RNF6: variants seen among roughly 807,000 people sequenced by gnomAD.
RNF6 encodes the protein E3 ubiquitin-protein ligase RNF6.
RNF6 carries 21 observed loss-of-function variants against 50.1 expected under a neutral mutation model. The ratio of observed to expected loss-of-function variants is 0.42; its 90% CI spans 0.30 to 0.60. The LOEUF (loss-of-function observed/expected upper bound fraction) is 0.60. Among genes scored for constraint, RNF6 ranks in the 20% least tolerant of loss-of-function variants. The probability of loss-of-function intolerance (pLI) is 0.20; values close to 1 mark genes in which losing one functional copy is unlikely to be tolerated. For synonymous variants in RNF6, 255 were observed against 291.8 expected, an observed-to-expected ratio of 0.87 and a Z score of 1.29; for missense variants, 698 against 838.2, an observed-to-expected ratio of 0.83 and a Z score of 2.07.
At chr13:26,204,512 A>AG (rs1412589573) in intron 5 of RNF6, among the ~76,000 whole-genome samples, 10 of 148,816 alleles carry the variant, frequency 6.7e-5, no homozygotes, top group South Asian at 2.1e-4. Context: ...AAAAAAAAAA[A>AG]AAAGAAAGAA....
At chr13:26,192,967 A>G (rs969881624) in intron 5 of RNF6, among the ~76,000 whole-genome samples, 1 of 152,240 alleles carries the variant, frequency 6.6e-6, no homozygotes, top group Non-Finnish European at 1.5e-5. Context: ...TTACACAGCA[A>G]TAGATAACTA....
In RNF6 at chr13:26,152,143, T is replaced by A. The variant is rs1871642462; in HGVS notation, n.769-19692A>T. On this transcript the variant is annotated intron_variant and non_coding_transcript_variant, in intron 5 of 5. Coordinates refer to the RNF6 transcript ENST00000468480. ...TTTACTGTTTCTGGAACACTTCATATACTAGAGAAAAATTTAATATTTTAT... is the reference window on the plus strand; with the variant it reads ...TTTACTGTTTCTGGAACACTTCATAAACTAGAGAAAAATTTAATATTTTAT... Among the ~76,000 whole-genome samples, 3 of 152,358 alleles carry A rather than the reference T, an allele frequency of 2.0e-5. 1 individual carries two copies. The South Asian group carries it at 6.2e-4, about 32-fold the overall frequency.
At chr13:26,201,706 A>G (rs1287459643) in intron 5 of RNF6, among the ~76,000 whole-genome samples, 1 of 152,234 alleles carries the variant, frequency 6.6e-6, no homozygotes, top group Non-Finnish European at 1.5e-5. Context: ...ACAACTGCAT[A>G]TGGGACTCTG....
intron 5 of RNF6, among the ~76,000 whole-genome samples, chr13:26,156,189 A>G (rs1200433917): frequency 6.6e-6 from 1 of 152,222 alleles, no homozygotes; most frequent in Non-Finnish European, 1.5e-5. Context: ...TTAGAAAGAG[A>G]AAGAAATAAA....
At chr13:26,172,652 T>C (rs1211877497) in intron 5 of RNF6, among the ~76,000 whole-genome samples, 4 of 152,008 alleles carry the variant, frequency 2.6e-5, no homozygotes, top group African/African-American at 9.7e-5. Context: ...CACGCCATTG[T>C]CCTGCCTCAG....
At chr13:26,199,116 A>G (rs1161404795) in intron 5 of RNF6, among the ~76,000 whole-genome samples, 1 of 152,022 alleles carries the variant, frequency 6.6e-6, no homozygotes, top group Non-Finnish European at 1.5e-5. Flanking sequence ...ATAGACATTA[A>G]CAAGCTGAGT....
chr13:26,150,859 AG>A (rs1871554062), intron 5 of RNF6: 1 of 152,208 alleles, frequency 6.6e-6, no homozygotes, highest in Non-Finnish European at 1.5e-5. Context: ...AAATCATCAA[AG>A]GTAAGAGAGT....
rs1294678525 is a variant in RNF6 at position 26,215,061 on chromosome 13, C to T, written c.821G>A (p.Arg274Gln). ...TTCCCAAACATGTGCTGCTCCAAAC[C>T]GTTGCCCCTCCCTTTGCCTGAGTTC... ...GSELRQREGQ[R>Q]FGAAHVWENG... Residue 274 changes from arginine (R) to glutamine (Q), a missense_variant, in exon 5 of 5, where the codon CGG becomes CAG. Physicochemically the swap from Arg to Gln is conservative, Grantham distance 43 (BLOSUM62 1). Transcript: ENST00000381588. 12 of 1,614,090 alleles carry T rather than the reference C, an allele frequency of 7.4e-6. No homozygotes were observed. Among genetic ancestry groups the T allele is most frequent in the South Asian group, 2.2e-5 (2 of 91,088 alleles).
chr13:26,183,022 T>C (rs1243668748), intron 5 of RNF6, among the ~76,000 whole-genome samples: 1 of 152,240 alleles, frequency 6.6e-6, no homozygotes, highest in Non-Finnish European at 1.5e-5. Context: ...TGCTGCTGCA[T>C]AATTTTCTTT....
Position 26,214,095 on chromosome 13 carries a change from T to A in RNF6, c.1787A>T (p.Glu596Val). 1 of 1,614,222 alleles carries A rather than the reference T, an allele frequency of 6.2e-7. No homozygotes were observed. Among genetic ancestry groups the A allele is most frequent in the Non-Finnish European group, 8.5e-7 (1 of 1,180,038 alleles). The part of the protein sequence containing the change: ...LRLAHFFLLN[E>V]SDDDDRIRGL... Reference sequence around the variant, plus strand: ...ACGTATTCGATCATCATCATCACTTTCATTTAGTAAAAAAAAGTGAGCAAG... The same window carrying A: ...ACGTATTCGATCATCATCATCACTTACATTTAGTAAAAAAAAGTGAGCAAG... The change falls in exon 5 of 5, where the codon GAA becomes GTA. Residue 596 changes from glutamate (E) to valine (V), a missense_variant. Physicochemically the swap from Glu to Val is moderately radical, Grantham distance 121. Transcript: ENST00000381588.
At chr13:26,191,163 G>T (rs1474639102) in intron 5 of RNF6, among the ~76,000 whole-genome samples, 1 of 150,892 alleles carries the variant, frequency 6.6e-6, no homozygotes, top group African/African-American at 2.4e-5. Flanking sequence ...TTAATCGATT[G>T]TTCAATACAC....
intron 5 of RNF6, among the ~76,000 whole-genome samples, chr13:26,138,969 C>T (rs1870791267): frequency 6.6e-6 from 1 of 152,180 alleles, no homozygotes; most frequent in African/African-American, 2.4e-5. Context: ...TTGTAAGCGC[C>T]TTGATTATTC....
At chr13:26,166,416 C>T (rs1448825803) in intron 5 of RNF6, among the ~76,000 whole-genome samples, 5 of 152,174 alleles carry the variant, frequency 3.3e-5, no homozygotes, top group Non-Finnish European at 7.3e-5. Flanking sequence ...GTCAAACTAT[C>T]CCTGTTTGCA....
At chr13:26,199,232 C>T (rs1179216829) in intron 5 of RNF6, among the ~76,000 whole-genome samples, 3 of 149,934 alleles carry the variant, frequency 2.0e-5, no homozygotes, top group African/African-American at 7.6e-5. Flanking sequence ...TAGACCCACA[C>T]ATATATGTTC....
chr13:26,206,637 G>A (rs1184167952), intron 5 of RNF6, among the ~76,000 whole-genome samples: 2 of 152,126 alleles, frequency 1.3e-5, no homozygotes, highest in Non-Finnish European at 2.9e-5. Context: ...TTATTTCTAT[G>A]GGAAATGTGT....
intron 5 of RNF6, among the ~76,000 whole-genome samples, chr13:26,153,018 TGGC>T (rs1218091024): frequency 1.3e-5 from 2 of 151,954 alleles, no homozygotes; most frequent in Admixed American, 1.3e-4. Context: ...CCGGGTGTGG[TGGC>T]ACTCGCCTGT....
chr13:26,177,719 C>T (rs1051586822), intron 5 of RNF6, among the ~76,000 whole-genome samples: 5 of 152,182 alleles, frequency 3.3e-5, no homozygotes, highest in Non-Finnish European at 7.3e-5. Flanking sequence ...AATTGATAAA[C>T]GATTTCCTCC....
At chr13:26,218,436 A>C (rs899253277) in intron 4 of RNF6, 75 bp downstream of exon 4, 19 of 1,144,504 alleles carry the variant, frequency 1.7e-5, no homozygotes, top group South Asian at 5.0e-5. Context: ...CAAACATACT[A>C]TACAAGGTCT....
intron 5 of RNF6, among the ~76,000 whole-genome samples, chr13:26,201,680 C>T (rs1275464676): frequency 6.6e-6 from 1 of 152,130 alleles, no homozygotes; most frequent in East Asian, 1.9e-4. Context: ...GACAACTGAG[C>T]ATGGATTAAA....
Sources: gnomAD v4.1 joint callset for allele counts (sites outside exome capture counted in the v4.1 genomes callset) on GRCh38, gnomAD v4.1.1 for gene constraint, MANE v1.5 for transcripts, NCBI Gene and HGNC (gene_info 2026-07-23, HGNC 2026-07-21) for gene names.